Variants in PDE11A observed in about 807,000 individuals in gnomAD.
PDE11A encodes the protein phosphodiesterase 11A, also known as dual 3',5'-cyclic-AMP and -GMP phosphodiesterase 11A.
A neutral mutation model predicts 100.5 loss-of-function variants in PDE11A; 100 were observed. The ratio of observed to expected loss-of-function variants is 1.00; its 90% CI spans 0.85 to 1.18. The LOEUF (loss-of-function observed/expected upper bound fraction) is 1.18, where lower values mean the gene tolerates loss of function less well. PDE11A is among the 50% of genes most tolerant of loss of function. The pLI is 0.00. For missense variants in PDE11A, 1,141 were observed against 1,152.6 expected, an observed-to-expected ratio of 0.99 and a Z score of 0.15; for synonymous variants, 381 against 420.8, an observed-to-expected ratio of 0.91 and a Z score of 1.16.
intron 5 of PDE11A, among the ~76,000 whole-genome samples, chr2:177,868,429 A>G (rs760423879): frequency 2.0e-5 from 3 of 152,254 alleles, no homozygotes; most frequent in Non-Finnish European, 4.4e-5. Flanking sequence ...TGTTGTTGTC[A>G]GCCCACTAAA....
intron 2 of PDE11A, among the ~76,000 whole-genome samples, chr2:178,088,141 T>A (rs1181475175): frequency 1.3e-5 from 2 of 152,166 alleles, no homozygotes; most frequent in Admixed American, 6.5e-5. Context: ...GAAGCCCCAC[T>A]TTGTGGGGAA....
intron 12 of PDE11A, among the ~76,000 whole-genome samples, chr2:177,715,375 G>A (rs1025172971): frequency 1.3e-5 from 2 of 152,032 alleles, no homozygotes. Flanking sequence ...GCTTTGGGTT[G>A]GAACTTTTTT....
chr2:178,061,415 A>G (rs568637173), intron 1 of PDE11A, among the ~76,000 whole-genome samples: 5 of 152,278 alleles, frequency 3.3e-5, no homozygotes, highest in Admixed American at 2.6e-4. Context: ...AGATGCCAAT[A>G]ATACCCCTGT....
chr2:177,899,039 A>T (rs1384927463), intron 3 of PDE11A, among the ~76,000 whole-genome samples: 1 of 152,214 alleles, frequency 6.6e-6, no homozygotes, highest in East Asian at 1.9e-4. Flanking sequence ...AGTTTGACAC[A>T]GGGATCATAT....
In PDE11A at chr2:177,800,780, G is replaced by A. The variant is rs773255954; in HGVS notation, c.1737+16049C>T. 5.3e-5 allele frequency among the ~76,000 whole-genome samples: 8 copies of A among 152,138 alleles called. 1 individual carries two copies. The highest frequency in any genetic ancestry group is 1.0e-4 in the Non-Finnish European group (7 of 68,028). ...CCTAGCAGGAGTACACTAGATCTATGTCTACATGCTAGATGCTGAGAATCA... is the reference window on the plus strand; with the variant it reads ...CCTAGCAGGAGTACACTAGATCTATATCTACATGCTAGATGCTGAGAATCA... On this transcript the variant is annotated intron_variant, in intron 9 of 19. Transcript: ENST00000286063.
intron 10 of PDE11A, among the ~76,000 whole-genome samples, chr2:177,765,557 G>C (rs1244156744): frequency 6.6e-6 from 1 of 152,180 alleles, no homozygotes; most frequent in Non-Finnish European, 1.5e-5. Flanking sequence ...GGTAGGAAGG[G>C]GCCCTGCCAC....
chr2:177,844,885 CAGA>C (rs2083555339), intron 5 of PDE11A, among the ~76,000 whole-genome samples: 2 of 152,018 alleles, frequency 1.3e-5, no homozygotes, highest in South Asian at 2.1e-4. Flanking sequence ...GATCCCAAGG[CAGA>C]AGAAGTTTTC....
At chr2:178,050,332 A>G (rs1021379060) in intron 1 of PDE11A, among the ~76,000 whole-genome samples, 1 of 152,152 alleles carries the variant, frequency 6.6e-6, no homozygotes, top group African/African-American at 2.4e-5. Flanking sequence ...GGACATCCAC[A>G]CCAAAACCCC....
intron 2 of PDE11A, among the ~76,000 whole-genome samples, chr2:177,955,665 C>T (rs1438922055): frequency 1.3e-5 from 2 of 152,150 alleles, no homozygotes; most frequent in Non-Finnish European, 2.9e-5. Flanking sequence ...AACTATACTA[C>T]AAGGCTACAG....
intron 2 of PDE11A, among the ~76,000 whole-genome samples, chr2:178,007,938 C>G (rs1280235220): frequency 2.6e-5 from 4 of 152,086 alleles, no homozygotes; most frequent in South Asian, 2.1e-4. Context: ...GAACTCCTGA[C>G]CTTGTGATCT....
intron 4 of PDE11A, among the ~76,000 whole-genome samples, chr2:177,888,370 C>T (rs976000251): frequency 1.3e-5 from 2 of 152,014 alleles, no homozygotes; most frequent in Non-Finnish European, 2.9e-5. Context: ...TTTTGAAGTG[C>T]CACTACAAAG....
intron 15 of PDE11A, among the ~76,000 whole-genome samples, chr2:177,692,922 C>G (rs1016961858): frequency 2.6e-5 from 4 of 152,120 alleles, no homozygotes; most frequent in Non-Finnish European, 5.9e-5. Context: ...AATCTTGCCT[C>G]TAGGAATGAG....
chr2:177,633,339 G>C (rs1361519719), intron 19 of PDE11A, among the ~76,000 whole-genome samples: 1 of 152,230 alleles, frequency 6.6e-6, no homozygotes, highest in Admixed American at 6.5e-5. Context: ...GAATGCCAGA[G>C]TGTATGACTC....
intron 2 of PDE11A, among the ~76,000 whole-genome samples, chr2:178,100,339 C>A (rs561759692): frequency 1.3e-5 from 2 of 152,194 alleles, no homozygotes; most frequent in Non-Finnish European, 2.9e-5. Context: ...GACAAAGAAT[C>A]TTTAAAATTG....
chr2:178,060,643 G>A (rs1311272205), intron 1 of PDE11A, among the ~76,000 whole-genome samples: 1 of 152,138 alleles, frequency 6.6e-6, no homozygotes, highest in Non-Finnish European at 1.5e-5. Flanking sequence ...TGAAAATGAT[G>A]CACTCCACCA....
chr2:177,755,514 A>T (rs1372054091), intron 10 of PDE11A, among the ~76,000 whole-genome samples: 1 of 152,202 alleles, frequency 6.6e-6, no homozygotes, highest in African/African-American at 2.4e-5. Flanking sequence ...GATACCATCC[A>T]CCAGGTACCT....
intron 19 of PDE11A, among the ~76,000 whole-genome samples, chr2:177,639,214 T>G (rs558924085): frequency 3.3e-5 from 5 of 152,354 alleles, no homozygotes; most frequent in African/African-American, 1.2e-4. Context: ...TGTTGTCTGT[T>G]GCCCATTGTC....
At chr2:177,894,349 T>C (rs1163846303) in intron 4 of PDE11A, among the ~76,000 whole-genome samples, 1 of 152,202 alleles carries the variant, frequency 6.6e-6, no homozygotes, top group Non-Finnish European at 1.5e-5. Context: ...AAGTCTTCAC[T>C]GCTTCTGGAA....
intron 2 of PDE11A, chr2:177,997,449 C>T: frequency 2.4e-6 from 2 of 828,756 alleles, no homozygotes; most frequent in Non-Finnish European, 4.3e-6. Flanking sequence ...GATAGTGTTA[C>T]TGTGCTCTTA....
Sources: allele counts gnomAD v4.1 joint callset (sites outside exome capture counted in the v4.1 genomes callset), GRCh38; gene constraint gnomAD v4.1.1; transcripts MANE v1.5; gene names NCBI Gene and HGNC (gene_info 2026-07-23, HGNC 2026-07-21).